Variants in SHISAL1 observed in about 807,000 individuals in gnomAD.
The protein encoded by SHISAL1 is protein shisa-like-1.
SHISAL1 carries 9 observed loss-of-function variants against 22.6 expected under a neutral mutation model. The observed-to-expected ratio is 0.40, with a 90% CI of 0.24 to 0.70. The LOEUF (loss-of-function observed/expected upper bound fraction) is 0.70, where lower values mean the gene tolerates loss of function less well. SHISAL1 is among the 30% of genes least tolerant of loss of function. The pLI is 0.39. For synonymous variants in SHISAL1, 119 were observed against 115.4 expected (o/e 1.03, Z -0.20); for missense variants, 246 against 270.6 (o/e 0.91, Z 0.64).
In SHISAL1 at chr22:44,245,730, G is replaced by A. The variant is rs1296275812; in HGVS notation, c.*3955C>T. 1 of 152,304 alleles carries A rather than the reference G, an allele frequency of 6.6e-6. No individual in the cohort carries two copies. The highest frequency in any genetic ancestry group is 2.4e-5 in the African/African-American group (1 of 41,458). The allele number at this position is 152,304 out of a possible 1,614,324, so 9.4% of individuals were successfully genotyped here. ...TGGTCTGTTTGCCATGACCTGAAGA[G>A]AGCTTTTGGGTTGACGGTGAACTGG... On this transcript the variant is annotated 3_prime_UTR_variant, in exon 5 of 5. Coordinates refer to ENST00000381176, the MANE Select transcript of SHISAL1 (RefSeq NM_001099294.2).
At chr22:44,305,709 C>T (rs76803531) in intron 1 of SHISAL1, among the ~76,000 whole-genome samples, 1,631 of 152,352 alleles carry the variant, frequency 0.011, 30 homozygotes, top group African/African-American at 0.038. Context: ...GCTGGTCCCA[C>T]GTCCAGCCTG....
rs574698559 is a variant in SHISAL1, at chr22:44,285,584, C to T, written c.443G>A (p.Arg148Gln). Reference protein sequence around the residue: ...QGRWMKQDPRRWGNPARAPRP... With the variant: ...QGRWMKQDPRQWGNPARAPRP... ...AGGGGCCCGAGCGGGGTTCCCCCAC[C>T]GCCGGGGGTCCTGTTTCATCCATCG... is the stretch of plus-strand genomic sequence containing the variant. Residue 148 changes from arginine to glutamine, a missense_variant, in exon 4 of 5, where the codon CGG becomes CAG. Physicochemically the swap from Arg to Gln is conservative, Grantham distance 43. Around this residue, in one of 2 missense-constraint regions of SHISAL1, gnomAD observed 136 missense variants for 117.5 expected, o/e 1.16. Coordinates refer to ENST00000381176, the MANE Select transcript of SHISAL1 (RefSeq NM_001099294.2). 878 of 1,613,884 alleles carry T rather than the reference C, an allele frequency of 5.4e-4. 6 individuals are homozygous for T. Among genetic ancestry groups the T allele is most frequent in the South Asian group, 4.2e-3 (385 of 91,080 alleles).
At chr22:44,308,498 C>T (rs1377256910) in intron 1 of SHISAL1, among the ~76,000 whole-genome samples, 1 of 152,222 alleles carries the variant, frequency 6.6e-6, no homozygotes, top group Non-Finnish European at 1.5e-5. Flanking sequence ...CTAGGACCAC[C>T]CTTCCCCTCT....
At chr22:44,264,332 G>C (rs909531952) in intron 4 of SHISAL1, among the ~76,000 whole-genome samples, 1 of 152,204 alleles carries the variant, frequency 6.6e-6, no homozygotes, top group African/African-American at 2.4e-5. Context: ...GCCTGCTGGG[G>C]ACCAGATCTT....
At chr22:44,255,032 G>A (rs2147268791) in intron 4 of SHISAL1, among the ~76,000 whole-genome samples, 1 of 152,196 alleles carries the variant, frequency 6.6e-6, no homozygotes, top group Non-Finnish European at 1.5e-5. Flanking sequence ...CCAGGACACT[G>A]CAGTCCCCTC....
intron 3 of SHISAL1, among the ~76,000 whole-genome samples, chr22:44,286,479 G>A (rs775620685): frequency 6.6e-6 from 1 of 152,156 alleles, no homozygotes; most frequent in Non-Finnish European, 1.5e-5. Flanking sequence ...GGTGTCAGCC[G>A]ACTCCACTGC....
intron 4 of SHISAL1, among the ~76,000 whole-genome samples, chr22:44,278,779 C>T (rs1414338214): frequency 6.6e-6 from 1 of 152,110 alleles, no homozygotes; most frequent in Non-Finnish European, 1.5e-5. Flanking sequence ...AGCTGGGCCA[C>T]AGTCAGCCAC....
chr22:44,289,484 GTGTGTGTGTGTT>G (rs1219327322), intron 3 of SHISAL1, among the ~76,000 whole-genome samples: 1 of 151,876 alleles, frequency 6.6e-6, no homozygotes, highest in African/African-American at 2.4e-5. Flanking sequence ...GTGTGTGTGT[GTGTGTGTGTGTT>G]TACTGCCGGG....
At chr22:44,326,336 A>AC in the SHISAL1 span, among the ~76,000 whole-genome samples, 1 of 152,170 alleles carries the variant, frequency 6.6e-6, no homozygotes, top group Non-Finnish European at 1.5e-5. Context: ...GGAATCTGGC[A>AC]CGGGAGACAA....
chr22:44,323,529 A>C, the SHISAL1 span, among the ~76,000 whole-genome samples: 23 of 73,240 alleles, frequency 3.1e-4, no homozygotes, highest in Admixed American at 7.6e-4. Flanking sequence ...CCATCTACCC[A>C]CCTCACCCAC....
rs766859107 is a variant in SHISAL1, at chr22:44,285,488, T to G, written c.539A>C (p.His180Pro). Residue 180 changes from histidine to proline, a missense_variant, in exon 4 of 5, where the codon CAC becomes CCC. Physicochemically the swap from His to Pro is moderately conservative, Grantham distance 77 (BLOSUM62 -2). Transcript: ENST00000381176. ...GPLPQAPQAV[H>P]TLRGDAHSPP... Reference sequence around the variant, plus strand: ...GCTGTGAGCATCTCCCCGCAATGTGTGCACGGCCTGTGGGGCTTGTGGCAG... The same window carrying G: ...GCTGTGAGCATCTCCCCGCAATGTGGGCACGGCCTGTGGGGCTTGTGGCAG... The G allele has an allele frequency of 1.9e-6, 3 of 1,614,040 alleles. No homozygotes were observed. In the East Asian group the frequency reaches 6.7e-5, roughly 36 times the overall value.
chr22:44,279,879 C>T lies in SHISAL1; in HGVS notation c.599+5549G>A, dbSNP rs192212258. Among the ~76,000 whole-genome samples the T allele has an allele frequency of 8.1e-3, 1,241 of 152,274 alleles. 6 individuals carry two copies. Among genetic ancestry groups the T allele is most frequent in the Non-Finnish European group, 0.013 (892 of 68,036 alleles). Reference sequence around the variant, plus strand: ...TATAAATGCAGAATCCTAGGCCTACCCCATCATTAGGCATCAGAATTTGCA... The same window carrying T: ...TATAAATGCAGAATCCTAGGCCTACTCCATCATTAGGCATCAGAATTTGCA... On this transcript the variant is annotated intron_variant, in intron 4 of 4. Transcript: ENST00000381176.
intron 4 of SHISAL1, among the ~76,000 whole-genome samples, chr22:44,283,075 T>C (rs1319260083): frequency 6.6e-6 from 1 of 152,196 alleles, no homozygotes; most frequent in African/African-American, 2.4e-5. Context: ...CTGGCAAAAC[T>C]GAAGCCCAAA....
intron 4 of SHISAL1, among the ~76,000 whole-genome samples, chr22:44,253,138 T>C (rs2055060492): frequency 1.3e-5 from 2 of 152,216 alleles, no homozygotes. Flanking sequence ...ATGATAAACG[T>C]TATGTGCATT....
chr22:44,308,278 TC>T (rs765746179), intron 1 of SHISAL1, among the ~76,000 whole-genome samples: 5 of 152,212 alleles, frequency 3.3e-5, no homozygotes, highest in Non-Finnish European at 5.9e-5. Flanking sequence ...CTCTGCCTCT[TC>T]CATCAACCCA....
At chr22:44,309,735 C>G (rs961893176) in intron 1 of SHISAL1, among the ~76,000 whole-genome samples, 2 of 152,208 alleles carry the variant, frequency 1.3e-5, no homozygotes, top group African/African-American at 4.8e-5. Flanking sequence ...GATGTTTAAC[C>G]TCCACAAGTT....
the SHISAL1 span, among the ~76,000 whole-genome samples, chr22:44,327,258 A>G: frequency 7.8e-4 from 117 of 150,938 alleles, 1 homozygote; most frequent in Non-Finnish European, 1.5e-3. Flanking sequence ...ACACACACAC[A>G]CACACACACA....
At chr22:44,265,305 G>A (rs549135111) in intron 4 of SHISAL1, among the ~76,000 whole-genome samples, 285 of 152,248 alleles carry the variant, frequency 1.9e-3, no homozygotes, top group African/African-American at 5.5e-3. Flanking sequence ...GGGTTCCACC[G>A]GGCTCTGCAC....
At chr22:44,263,777 G>A (rs746808075) in intron 4 of SHISAL1, among the ~76,000 whole-genome samples, 5 of 152,208 alleles carry the variant, frequency 3.3e-5, no homozygotes, top group Non-Finnish European at 7.3e-5. Flanking sequence ...ACTCACCCCC[G>A]TGGCCTCCAG....
Sources: allele counts gnomAD v4.1 joint callset (sites outside exome capture counted in the v4.1 genomes callset), GRCh38; gene constraint gnomAD v4.1.1; regional missense constraint gnomAD v4.1.1; transcripts MANE v1.5; gene names NCBI Gene and HGNC (gene_info 2026-07-23, HGNC 2026-07-21).